Variants in RARB observed in about 807,000 individuals in gnomAD.
RARB encodes the protein HBV-activated protein.
A neutral mutation model predicts 51.9 loss-of-function variants in RARB; 17 were observed. The observed-to-expected ratio is 0.33, with a 90% CI of 0.22 to 0.49. The LOEUF (loss-of-function observed/expected upper bound fraction) is 0.49, where lower values mean the gene tolerates loss of function less well. Among genes scored for constraint, RARB ranks in the 20% least tolerant of loss-of-function variants. The probability of loss-of-function intolerance (pLI) is 0.99; values close to 1 mark genes in which losing one functional copy is unlikely to be tolerated. For synonymous variants in RARB, 215 were observed against 195.4 expected (o/e 1.10, Z -0.84); for missense variants, 369 against 550.8 (o/e 0.67, Z 3.30).
At chr3:24,844,511 T>G (rs983734989) in intron 1 of RARB, among the ~76,000 whole-genome samples, 1 of 152,156 alleles carries the variant, frequency 6.6e-6, no homozygotes, top group East Asian at 1.9e-4. Context: ...ACGATGTGAC[T>G]GCAGTGGGAA....
intron 4 of RARB, among the ~76,000 whole-genome samples, chr3:25,579,805 A>C (rs1464425833): frequency 6.6e-6 from 1 of 152,166 alleles, no homozygotes; most frequent in Non-Finnish European, 1.5e-5. Context: ...GGTTATCTAG[A>C]GTCTCAGTCA....
At chr3:25,519,131 A>G (rs1698296642) in intron 3 of RARB, among the ~76,000 whole-genome samples, 1 of 152,160 alleles carries the variant, frequency 6.6e-6, no homozygotes, top group African/African-American at 2.4e-5. Flanking sequence ...TCCTTCTGTT[A>G]CTGAGTAGCA....
chr3:25,367,888 A>G (rs1706175583), intron 5 of RARB, among the ~76,000 whole-genome samples: 1 of 152,074 alleles, frequency 6.6e-6, no homozygotes, highest in Admixed American at 6.6e-5. Context: ...AGAAGAATCA[A>G]GGGGGAGTAT....
chr3:25,384,730 GT>G (rs1706743382), intron 5 of RARB, among the ~76,000 whole-genome samples: 1 of 152,156 alleles, frequency 6.6e-6, no homozygotes, highest in Admixed American at 6.5e-5. Flanking sequence ...GTGAGTTGCA[GT>G]TTATTTCAGT....
chr3:25,209,613 A>T (rs1399477684), intron 5 of RARB, among the ~76,000 whole-genome samples: 1 of 152,208 alleles, frequency 6.6e-6, no homozygotes, highest in Non-Finnish European at 1.5e-5. Flanking sequence ...CACCCTTCTT[A>T]GCTGGACCTC....
At chr3:25,235,252 G>A (rs1328014602) in intron 5 of RARB, among the ~76,000 whole-genome samples, 5 of 151,996 alleles carry the variant, frequency 3.3e-5, no homozygotes, top group East Asian at 3.9e-4. Flanking sequence ...GAAACTCTTC[G>A]GCTGTAGTAA....
intron 3 of RARB, among the ~76,000 whole-genome samples, chr3:25,549,185 G>A (rs1157230715): frequency 1.3e-5 from 2 of 151,844 alleles, no homozygotes; most frequent in Non-Finnish European, 2.9e-5. Context: ...CTTGGTGAGG[G>A]GCATTTAGGG....
chr3:24,900,461 T>C lies in RARB; in HGVS notation c.-380+41709T>C, dbSNP rs74667745. 0.016 allele frequency among the ~76,000 whole-genome samples: 2,485 copies of C among 152,312 alleles called. 111 individuals carry two copies. In the East Asian group the frequency reaches 0.17, roughly 10 times the overall value. ...AACCTTTGCATTCATGAGTCTTCCT[T>C]GGAAGTATGCACATGAAGTATTGCT... On this transcript the variant is annotated intron_variant, in intron 2 of 11. Coordinates refer to the RARB transcript ENST00000383772.
At chr3:24,921,369 G>A (rs1210193214) in intron 2 of RARB, among the ~76,000 whole-genome samples, 1 of 152,130 alleles carries the variant, frequency 6.6e-6, no homozygotes, top group East Asian at 1.9e-4. Flanking sequence ...CTAGAAGAAA[G>A]CACTACATGC....
At chr3:25,557,542 T>C (rs1419074234) in intron 3 of RARB, among the ~76,000 whole-genome samples, 1 of 152,070 alleles carries the variant, frequency 6.6e-6, no homozygotes, top group Admixed American at 6.5e-5. Flanking sequence ...GGAGGCCCTT[T>C]TTCCTCCTCC....
intron 5 of RARB, among the ~76,000 whole-genome samples, chr3:25,204,672 G>T (rs899718158): frequency 1.3e-5 from 2 of 152,176 alleles, no homozygotes; most frequent in Non-Finnish European, 2.9e-5. Flanking sequence ...AGGTCTGTTG[G>T]AGTTTGCTGG....
intron 2 of RARB, among the ~76,000 whole-genome samples, chr3:24,903,908 A>G (rs187308190): frequency 6.6e-6 from 1 of 152,300 alleles, no homozygotes; most frequent in East Asian, 1.9e-4. Context: ...AGTGATCTAG[A>G]TACCTAAGTC....
intron 5 of RARB, among the ~76,000 whole-genome samples, chr3:25,208,157 C>T (rs1701601601): frequency 6.6e-6 from 1 of 152,134 alleles, no homozygotes; most frequent in Non-Finnish European, 1.5e-5. Context: ...ATGATCCAAT[C>T]ACCTTTCGCT....
At chr3:25,088,768 A>AT (rs1311949839) in intron 3 of RARB, among the ~76,000 whole-genome samples, 1 of 152,168 alleles carries the variant, frequency 6.6e-6, no homozygotes, top group Non-Finnish European at 1.5e-5. Context: ...TGACATTAGT[A>AT]TTTCAAGTTA....
chr3:25,276,648 A>G (rs1035298449), intron 5 of RARB, among the ~76,000 whole-genome samples: 3 of 152,224 alleles, frequency 2.0e-5, no homozygotes, highest in Non-Finnish European at 4.4e-5. Context: ...CTCTAATTTT[A>G]CAGAGTGATT....
chr3:24,908,054 G>A (rs1694906067), intron 2 of RARB, among the ~76,000 whole-genome samples: 1 of 152,026 alleles, frequency 6.6e-6, no homozygotes, highest in South Asian at 2.1e-4. Context: ...GGATTTGAGA[G>A]GTATTCCTTT....
chr3:24,957,100 G>A (rs1036058043), intron 2 of RARB, among the ~76,000 whole-genome samples: 5 of 152,176 alleles, frequency 3.3e-5, no homozygotes, highest in Non-Finnish European at 5.9e-5. Flanking sequence ...GAGGGCAATT[G>A]CCAGAGAGGG....
At chr3:25,449,596 C>A (rs1005953912) in intron 1 of RARB, among the ~76,000 whole-genome samples, 1 of 151,928 alleles carries the variant, frequency 6.6e-6, no homozygotes, top group African/African-American at 2.4e-5. Flanking sequence ...GGGGTCAGAC[C>A]CATTCCCTTG....
At chr3:25,281,105 C>T (rs772623388) in intron 5 of RARB, among the ~76,000 whole-genome samples, 3 of 152,184 alleles carry the variant, frequency 2.0e-5, no homozygotes, top group Non-Finnish European at 4.4e-5. Context: ...ACAGAATGCT[C>T]TTAAAGAGAT....
Sources: gnomAD v4.1 joint callset for allele counts (sites outside exome capture counted in the v4.1 genomes callset) on GRCh38, gnomAD v4.1.1 for gene constraint, MANE v1.5 for transcripts, NCBI Gene and HGNC (gene_info 2026-07-23, HGNC 2026-07-21) for gene names.